FLNA: variants seen among roughly 807,000 people sequenced by gnomAD.
FLNA encodes filamin-A.
FLNA carries 7 observed loss-of-function variants against 157.6 expected under a neutral mutation model. The ratio of observed to expected loss-of-function variants is 0.04; its 90% confidence interval spans 0.03 to 0.08. FLNA has a LOEUF of 0.08. FLNA is among the 10% of genes least tolerant of loss of function. The probability of loss-of-function intolerance (pLI) is 1.00; values close to 1 mark genes in which losing one functional copy is unlikely to be tolerated. For missense variants in FLNA, 1,750 were observed against 2,398.4 expected (o/e 0.73, Z 5.65); for synonymous variants, 1,103 against 1,060.8 (o/e 1.04, Z -0.77).
rs1353724279 is a variant in FLNA, at chrX:154,366,402, C to T, written c.1134G>A (p.Gln378=). Residue 378 remains glutamine (Q), a synonymous_variant, in exon 8 of 48, where the codon CAG becomes CAA. Transcript: ENST00000369850. The part of the protein sequence containing the change: ...SPFEVYVDKS[Q]GDASKVTAQG... ...GGGCTGTCACTTTGCTGGCGTCACC[C>T]TGTGACTTATCCACGTACACCTCGA... 6.6e-6 allele frequency: 8 copies of T among 1,210,684 alleles called. No individual in the cohort carries two copies. The African/African-American group carries it at 8.7e-5, about 13-fold the overall frequency.
intron 29 of FLNA, 68 bp downstream of exon 29, chrX:154,357,366 C>T: frequency 8.4e-7 from 1 of 1,193,746 alleles, no homozygotes; most frequent in Non-Finnish European, 1.1e-6. Context: ...AAGCAGCGAG[C>T]CCTTGCACAC....
At position 154,359,501 on chromosome X, in the gene FLNA, C is replaced by T. The variant is rs2148111427; in HGVS notation, c.4125G>A (p.Lys1375=). 1 of 1,211,465 alleles carries T rather than the reference C, an allele frequency of 8.3e-7. No homozygotes were observed. The highest frequency in any genetic ancestry group is 1.1e-6 in the Non-Finnish European group (1 of 895,466). ...TCCCTTACCTGGTCTCCACAGTGAA[C>T]TTGTTGGGCTTGTTGGTGGTGCCAC... The part of the protein sequence containing the change: ...IQSGTTNKPN[K]FTVETRGAGT... Residue 1375 remains lysine, a synonymous_variant, in exon 24 of 48, where the codon AAG becomes AAA. Coordinates refer to ENST00000369850, the MANE Select transcript of FLNA (RefSeq NM_001110556.2).
At chrX:154,365,875 G>A (rs1171139632) in intron 9 of FLNA, 149 bp downstream of exon 9, 6 of 488,702 alleles carry the variant, frequency 1.2e-5, no homozygotes, top group Non-Finnish European at 2.0e-5. Flanking sequence ...CCCCAGCAGG[G>A]GAGGAAAAAC....
At chrX:154,371,449 T>G in intron 1 of FLNA, 88 bp from the exon 2 acceptor site, 2 of 412,513 alleles carry the variant, frequency 4.8e-6, no homozygotes, top group Non-Finnish European at 8.1e-6. Context: ...GGGTGGGGCT[T>G]CGAGGGCGCG....
At chrX:154,355,844 G>A (rs1324648531) in intron 30 of FLNA, among the ~76,000 whole-genome samples, 2 of 112,876 alleles carry the variant, frequency 1.8e-5, no homozygotes, top group Non-Finnish European at 3.8e-5. Context: ...CTGGGTCTCC[G>A]CCGTGGAGGC....
intron 9 of FLNA, 74 bp from the exon 10 acceptor site, chrX:154,365,560 G>A (rs2067751818): frequency 1.8e-6 from 2 of 1,140,276 alleles, no homozygotes; most frequent in African/African-American, 3.5e-5. Flanking sequence ...ACAGGGCCGG[G>A]CTGTCAGGAT....
In FLNA at chrX:154,362,325, G is replaced by A; in HGVS notation, c.2573C>T (p.Pro858Leu). The A allele has an allele frequency of 2.5e-6, 3 of 1,211,053 alleles. No individual in the cohort carries two copies. The highest frequency in any genetic ancestry group is 3.4e-6 in the Non-Finnish European group (3 of 895,135). Reference protein sequence around the residue: ...IMVLFADQATPTSPIRVKVEP... With the variant: ...IMVLFADQATLTSPIRVKVEP... ...CACCTTGACTCGGATGGGGCTGGTGGGCGTGGCCTGCAGGCAGTGGGAGGA... is the reference window on the plus strand; with the variant it reads ...CACCTTGACTCGGATGGGGCTGGTGAGCGTGGCCTGCAGGCAGTGGGAGGA... The change falls in exon 18 of 48, where the codon CCC (proline) becomes CTC (leucine). Residue 858 changes from proline to leucine, a missense_variant. Pro to Leu is a moderately conservative substitution (Grantham distance 98). Coordinates refer to ENST00000369850, the MANE Select transcript of FLNA (RefSeq NM_001110556.2).
Position 154,359,123 on chromosome X carries a change from C to T in FLNA, c.4335G>A (p.Val1445=). ...AGCACTTGACCTTGGACGCATCTGT[C>T]ACATCATGCACAGGGACCTTGAAAG... ...GSPFKVPVHD[V]TDASKVKCSG... is the part of the protein sequence containing the mutation. The change falls in exon 26 of 48, where the codon GTG becomes GTA. Residue 1445 remains valine (V), a synonymous_variant. Coordinates refer to ENST00000369850, the MANE Select transcript of FLNA (RefSeq NM_001110556.2). 1 of 1,211,373 alleles carries T rather than the reference C, an allele frequency of 8.3e-7. No individual in the cohort carries two copies. Among genetic ancestry groups the T allele is most frequent in the Non-Finnish European group, 1.1e-6 (1 of 895,589 alleles).
At chrX:154,370,666 G>A (rs1389754701) in intron 2 of FLNA, among the ~76,000 whole-genome samples, 2 of 112,921 alleles carry the variant, frequency 1.8e-5, no homozygotes, top group African/African-American at 3.2e-5. Context: ...AGCGGGCGGG[G>A]GCGCGTAGCG....
rs201488545 is a variant in FLNA at position 154,359,796 on chromosome X, C to T, written c.3915G>A (p.Thr1305=). The part of the protein sequence containing the change: ...ARVANPSGNL[T]ETYVQDRGDG... ...CGCCACGGTCCTGAACGTAGGTCTC[C>T]GTCAGGTTGCCTGAGGGGTTGGCCA... The change falls in exon 23 of 48, where the codon ACG becomes ACA. Residue 1305 remains threonine, a synonymous_variant. Transcript: ENST00000369850. 745 of 1,209,310 alleles carry T rather than the reference C, an allele frequency of 6.2e-4. No homozygotes were observed. The highest frequency in any genetic ancestry group is 8.0e-4 in the Non-Finnish European group (720 of 895,080).
chrX:154,362,045 C>T lies in FLNA; in HGVS notation c.2760G>A (p.Val920=). 8.3e-7 allele frequency: 1 copy of T among 1,210,726 alleles called. No individual in the cohort carries two copies. Among genetic ancestry groups the T allele is most frequent in the South Asian group, 1.8e-5 (1 of 56,949 alleles). ...GGTGGTCGATGATGTCCACATCTCG[C>T]ACTGCATCCCCCTTGGTGAGTCCTG... ...QFSGLTKGDA[V]RDVDIIDHHD... Residue 920 remains valine, a synonymous_variant, in exon 19 of 48, where the codon GTG becomes GTA. Coordinates refer to ENST00000369850, the MANE Select transcript of FLNA (RefSeq NM_001110556.2).
intron 1 of FLNA, among the ~76,000 whole-genome samples, chrX:154,373,124 C>T (rs782220138): frequency 2.8e-4 from 32 of 112,363 alleles, no homozygotes; most frequent in Non-Finnish European, 5.5e-4. Context: ...GAAGGGGGAA[C>T]CCATACAGAC....
intron 6 of FLNA, 45 bp from the exon 7 acceptor site, chrX:154,366,684 A>C (rs782668189): frequency 2.0e-5 from 24 of 1,197,596 alleles, no homozygotes; most frequent in Non-Finnish European, 2.7e-5. Flanking sequence ...GAGCAGCCCC[A>C]CTGAAAGGGA....
chrX:154,374,243 A>AC (rs374057654), intron 1 of FLNA, among the ~76,000 whole-genome samples: 31 of 110,762 alleles, frequency 2.8e-4, no homozygotes, highest in Non-Finnish European at 4.4e-4. Flanking sequence ...TCTCTCGGGG[A>AC]CCCCCCATGG....
At position 154,351,842 on chromosome X, in the gene FLNA, C is replaced by G. The variant is rs372847270; in HGVS notation, c.6907+42G>C. 1.1e-3 allele frequency: 1,384 copies of G among 1,204,361 alleles called. 1 individual carries two copies. Among genetic ancestry groups the G allele is most frequent in the Non-Finnish European group, 1.5e-3 (1,346 of 891,110 alleles). ...GCCAGCCCTGGGTCCAATACCCACACTCAGGCCCCACCTCCTCCAACCCCA... is the reference window on the plus strand; with the variant it reads ...GCCAGCCCTGGGTCCAATACCCACAGTCAGGCCCCACCTCCTCCAACCCCA... On this transcript the variant is annotated intron_variant, in intron 42 of 47. Coordinates refer to ENST00000369850, the MANE Select transcript of FLNA (RefSeq NM_001110556.2).
chrX:154,362,391 C>A (rs782296741), intron 17 of FLNA, 27 bp downstream of exon 17: 2 of 1,211,010 alleles, frequency 1.7e-6, no homozygotes, highest in Non-Finnish European at 2.2e-6. Flanking sequence ...GCAATGACAT[C>A]TTAGCGGCCA....
rs782639698 is a variant in FLNA, at chrX:154,353,367, G to A, written c.5951C>T (p.Thr1984Met). 1.5e-5 allele frequency: 18 copies of A among 1,210,661 alleles called. No individual in the cohort carries two copies. Among genetic ancestry groups the A allele is most frequent in the Middle Eastern group, 2.3e-4 (1 of 4,353 alleles). ...NISETDLSLL[T>M]ATVVPPSGRE... is the part of the protein sequence containing the mutation. Reference sequence around the variant, plus strand: ...GCCCGAGGGCGGGACCACAGTGGCCGTCAGCAGGCTGAGATCCGTCTCTGA... The same window carrying A: ...GCCCGAGGGCGGGACCACAGTGGCCATCAGCAGGCTGAGATCCGTCTCTGA... Residue 1984 changes from threonine to methionine, a missense_variant, in exon 37 of 48, where the codon ACG (threonine) becomes ATG (methionine). Thr to Met is a moderately conservative substitution (Grantham distance 81). Around this residue, in one of 5 missense-constraint regions of FLNA, gnomAD observed 970 missense variants for 1,302.6 expected, o/e 0.74. Transcript: ENST00000369850.
Position 154,366,564 on chromosome X carries a change from T to C in FLNA, c.1063A>G (p.Lys355Glu), listed in dbSNP as rs782505008. 8.3e-7 allele frequency: 1 copy of C among 1,210,791 alleles called. No individual in the cohort carries two copies. The highest frequency in any genetic ancestry group is 1.1e-6 in the Non-Finnish European group (1 of 894,307). ...WYVPEVTGTH[K>E]VTVLFAGQHI... ...CTCCCCCCTGGCCAAGGGCTCACCTTATGAGTCCCCGTCACCTCGGGGACG... is the reference window on the plus strand; with the variant it reads ...CTCCCCCCTGGCCAAGGGCTCACCTCATGAGTCCCCGTCACCTCGGGGACG... The change falls in exon 7 of 48, where the codon AAG (lysine) becomes GAG (glutamate). Residue 355 changes from lysine to glutamate, a missense_variant and splice_region_variant. Around this residue, in one of 5 missense-constraint regions of FLNA, gnomAD observed 648 missense variants for 805.8 expected, o/e 0.80. Transcript: ENST00000369850.
intron 2 of FLNA, 150 bp from the exon 3 acceptor site, chrX:154,368,240 G>T: frequency 1.2e-6 from 1 of 804,752 alleles, no homozygotes; most frequent in Non-Finnish European, 1.8e-6. Flanking sequence ...TGTGGATGAG[G>T]CCCTCTCTGC....
Sources: gnomAD v4.1 joint callset for allele counts (sites outside exome capture counted in the v4.1 genomes callset) on GRCh38, gnomAD v4.1.1 for gene constraint, gnomAD v4.1.1 regional missense constraint, MANE v1.5 for transcripts, NCBI Gene and HGNC (gene_info 2026-07-23, HGNC 2026-07-21) for gene names.